The following EIF5B variants were observed in gnomAD, a reference collection of about 807,000 sequenced individuals.
The protein encoded by EIF5B is eIF-5B.
In EIF5B, 47 loss-of-function variants were observed where a neutral mutation model predicts 147.5. That is an observed-to-expected ratio of 0.32 (90% CI 0.25 to 0.41). The LOEUF (loss-of-function observed/expected upper bound fraction) is 0.41, where lower values mean the gene tolerates loss of function less well. Among genes scored for constraint, EIF5B ranks in the 10% least tolerant of loss-of-function variants. EIF5B has a pLI of 1.00. For missense variants in EIF5B, 1,064 were observed against 1,413.2 expected, an observed-to-expected ratio of 0.75 and a Z score of 3.96; for synonymous variants, 455 against 456.2, an observed-to-expected ratio of 1.00 and a Z score of 0.03.
intron 6 of EIF5B, among the ~76,000 whole-genome samples, chr2:99,368,241 T>A (rs944596817): frequency 6.6e-6 from 1 of 152,248 alleles, no homozygotes; most frequent in Non-Finnish European, 1.5e-5. Flanking sequence ...GATGGAGTGA[T>A]GGAGCTTTTC....
In EIF5B at chr2:99,382,232, A is replaced by T. The variant is rs192411605; in HGVS notation, c.2129+6A>T. The T allele has an allele frequency of 4.5e-4, 719 of 1,611,918 alleles. 5 individuals are homozygous for T. In the African/African-American group the frequency reaches 8.6e-3, roughly 19 times the overall value. On this transcript the variant is annotated splice_donor_region_variant and intron_variant, in intron 13 of 23. Coordinates refer to ENST00000289371, the MANE Select transcript of EIF5B (RefSeq NM_015904.4). The stretch of plus-strand genomic sequence containing the variant: ...CCTGGGCATGAATCTTTCAGGTAAG[A>T]GCAATTTGAGTCTTTTCTCATCAAG...
At chr2:99,363,079 A>G (rs1397671339) in intron 4 of EIF5B, among the ~76,000 whole-genome samples, 1 of 152,086 alleles carries the variant, frequency 6.6e-6, no homozygotes, top group African/African-American at 2.4e-5. Context: ...ATGCTAGCAT[A>G]TTTATTATCT....
rs1035716832 is a variant in EIF5B, at chr2:99,337,574, A to G, written c.20A>G (p.Asn7Ser). MGKKQK[N>S]KSEDSTKDDI... ...CAAGCAATGGGGAAGAAACAGAAAA[A>G]CAAGAGCGAAGACAGGTAGATAGGG... The change falls in exon 1 of 24, where the codon AAC becomes AGC. Residue 7 changes from asparagine (N) to serine (S), a missense_variant. Coordinates refer to ENST00000289371, the MANE Select transcript of EIF5B (RefSeq NM_015904.4). The G allele has an allele frequency of 1.9e-6, 3 of 1,612,936 alleles. No homozygotes were observed. In the South Asian group the frequency reaches 3.3e-5, roughly 18 times the overall value.
intron 18 of EIF5B, 81 bp downstream of exon 18, chr2:99,393,179 G>T: frequency 7.8e-7 from 1 of 1,282,536 alleles, no homozygotes; most frequent in Non-Finnish European, 1.0e-6. Context: ...TAGGGATGGT[G>T]ACCAAAACTG....
At chr2:99,392,866 A>G (rs891590794) in intron 17 of EIF5B, 101 bp from the exon 18 acceptor site, 1 of 1,135,494 alleles carries the variant, frequency 8.8e-7, no homozygotes, top group Non-Finnish European at 1.2e-6. Context: ...GCCTCGTTTA[A>G]GAAACCTCTC....
intron 17 of EIF5B, among the ~76,000 whole-genome samples, chr2:99,392,427 C>G (rs765145980): frequency 1.3e-5 from 2 of 152,102 alleles, no homozygotes; most frequent in Non-Finnish European, 2.9e-5. Context: ...GTATGTATAC[C>G]TAGGAGTGAA....
chr2:99,368,804 C>G (rs1416455938), intron 7 of EIF5B, among the ~76,000 whole-genome samples: 1 of 152,198 alleles, frequency 6.6e-6, no homozygotes, highest in Non-Finnish European at 1.5e-5. Flanking sequence ...AATCTGGGTT[C>G]TACCCTATGA....
In EIF5B at chr2:99,361,279, T is replaced by G. The variant is rs1032770414; in HGVS notation, c.378T>G (p.Thr126=). 6.8e-6 allele frequency: 11 copies of G among 1,612,740 alleles called. No homozygotes were observed. The highest frequency in any genetic ancestry group is 9.3e-6 in the Non-Finnish European group (11 of 1,179,692). ...ATAAAGATTCAAAATCAAAAAAGAC[T>G]GCAAAACCGAAAGTGGAAATGTACT... ...LEDKDSKSKK[T]AKPKVEMYSG... Residue 126 remains threonine (T), a synonymous_variant, in exon 4 of 24, where the codon ACT becomes ACG. Coordinates refer to ENST00000289371, the MANE Select transcript of EIF5B (RefSeq NM_015904.4).
chr2:99,357,036 G>T (rs1053906976), intron 1 of EIF5B, among the ~76,000 whole-genome samples: 1 of 152,178 alleles, frequency 6.6e-6, no homozygotes, highest in East Asian at 1.9e-4. Context: ...TCTGTGGTTA[G>T]TGTTTTCATT....
At chr2:99,351,610 T>C (rs1673963440) in intron 1 of EIF5B, among the ~76,000 whole-genome samples, 2 of 152,178 alleles carry the variant, frequency 1.3e-5, no homozygotes, top group African/African-American at 4.8e-5. Context: ...TTACTCCATA[T>C]CCAGTCTCAA....
chr2:99,371,379 T>C (rs1380617247), intron 8 of EIF5B, among the ~76,000 whole-genome samples: 1 of 151,800 alleles, frequency 6.6e-6, no homozygotes, highest in Non-Finnish European at 1.5e-5. Context: ...TCCCAGCTAC[T>C]TGGGAGGCTG....
chr2:99,385,223 T>C (rs894740740), intron 14 of EIF5B, among the ~76,000 whole-genome samples: 4 of 152,120 alleles, frequency 2.6e-5, no homozygotes, highest in African/African-American at 4.8e-5. Context: ...ATTTTTTATT[T>C]TTGGTAGAGA....
chr2:99,351,277 G>A (rs543493674), intron 1 of EIF5B, among the ~76,000 whole-genome samples: 1 of 152,308 alleles, frequency 6.6e-6, no homozygotes, highest in East Asian at 1.9e-4. Context: ...AGTGCTTGTA[G>A]CATTAGTACT....
chr2:99,364,494 A>T, intron 6 of EIF5B, 73 bp downstream of exon 6: 1 of 1,385,712 alleles, frequency 7.2e-7, no homozygotes, highest in Non-Finnish European at 9.6e-7. Flanking sequence ...AATGTTCAGA[A>T]GGAGAATGGA....
intron 14 of EIF5B, among the ~76,000 whole-genome samples, chr2:99,385,052 C>A (rs1266813735): frequency 1.4e-5 from 2 of 147,208 alleles, no homozygotes; most frequent in Non-Finnish European, 3.0e-5. Flanking sequence ...AGATAAATTT[C>A]TTTTTTTTTT....
At chr2:99,378,994 GAT>G (rs1674618464) in intron 10 of EIF5B, 23 bp from the exon 11 acceptor site, 2 of 1,216,170 alleles carry the variant, frequency 1.6e-6, no homozygotes, top group Admixed American at 2.8e-5. Flanking sequence ...TTTAATTTTT[GAT>G]TTTTTTTTTT....
chr2:99,361,426 A>G lies in EIF5B; in HGVS notation c.525A>G (p.Lys175=), dbSNP rs1201309955. ...ATGAGGATAACAGTAAAAAAATTAAAGAGCGTTCAAGAATAAATTCTTCTG... is the reference window on the plus strand; with the variant it reads ...ATGAGGATAACAGTAAAAAAATTAAGGAGCGTTCAAGAATAAATTCTTCTG... ...EEDEDNSKKI[K]ERSRINSSGE... The change falls in exon 4 of 24, where the codon AAA becomes AAG. Residue 175 remains lysine, a synonymous_variant. Transcript: ENST00000289371. The G allele has an allele frequency of 1.2e-6, 2 of 1,614,002 alleles. No individual in the cohort carries two copies. Among genetic ancestry groups the G allele is most frequent in the African/African-American group, 1.3e-5 (1 of 75,034 alleles).
At chr2:99,355,057 C>T (rs891437336) in intron 1 of EIF5B, among the ~76,000 whole-genome samples, 1 of 152,096 alleles carries the variant, frequency 6.6e-6, no homozygotes, top group East Asian at 1.9e-4. Flanking sequence ...CCTGCCTCGG[C>T]CTCCCAAAGT....
At chr2:99,353,518 A>G (rs374024159) in intron 1 of EIF5B, among the ~76,000 whole-genome samples, 1 of 152,116 alleles carries the variant, frequency 6.6e-6, no homozygotes, top group East Asian at 1.9e-4. Flanking sequence ...GCCGAGTTTC[A>G]TTTGTACTCT....
Sources: gnomAD v4.1 joint callset for allele counts (sites outside exome capture counted in the v4.1 genomes callset) on GRCh38, gnomAD v4.1.1 for gene constraint, MANE v1.5 for transcripts, NCBI Gene and HGNC (gene_info 2026-07-23, HGNC 2026-07-21) for gene names.